The following PPP1R13B variants were observed in gnomAD, a reference collection of about 807,000 sequenced individuals.
PPP1R13B encodes protein phosphatase 1 regulatory subunit 13B.
PPP1R13B carries 44 observed loss-of-function variants against 119.8 expected under a neutral mutation model. The ratio of observed to expected loss-of-function variants is 0.37; its 90% CI spans 0.29 to 0.47. The LOEUF (loss-of-function observed/expected upper bound fraction) is 0.47, where lower values mean the gene tolerates loss of function less well. Among genes scored for constraint, PPP1R13B ranks in the 20% least tolerant of loss-of-function variants. The pLI, the probability that PPP1R13B is intolerant of heterozygous loss-of-function variation, is 0.99. For synonymous variants in PPP1R13B, 542 were observed against 561.5 expected (o/e 0.97, Z 0.49); for missense variants, 1,227 against 1,413.5 (o/e 0.87, Z 2.12).
chr14:103,819,514 A>C (rs1301238119), intron 1 of PPP1R13B, among the ~76,000 whole-genome samples: 3 of 147,748 alleles, frequency 2.0e-5, no homozygotes, highest in Non-Finnish European at 4.5e-5. Context: ...AAAACAAACA[A>C]ACAAAAAAAA....
chr14:103,785,563 A>G (rs1410382448), intron 2 of PPP1R13B, among the ~76,000 whole-genome samples: 1 of 123,628 alleles, frequency 8.1e-6, no homozygotes, highest in African/African-American at 3.2e-5. Context: ...CTTATCACTT[A>G]GGCTGGAGTG....
chr14:103,821,409 A>C (rs897049151), intron 1 of PPP1R13B, among the ~76,000 whole-genome samples: 13 of 152,188 alleles, frequency 8.5e-5, no homozygotes, highest in African/African-American at 3.1e-4. Context: ...AAATTAAGTC[A>C]CAAAAGAGAC....
chr14:103,811,244 T>C (rs1420742152), intron 1 of PPP1R13B, among the ~76,000 whole-genome samples: 2 of 151,910 alleles, frequency 1.3e-5, no homozygotes, highest in Non-Finnish European at 2.9e-5. Flanking sequence ...GGCTCTAAAA[T>C]CAATTAGTGC....
chr14:103,846,968 G>A (rs556479142), intron 1 of PPP1R13B: 5 of 1,210,396 alleles, frequency 4.1e-6, no homozygotes, highest in Admixed American at 6.1e-5. Context: ...TCACAGCTGC[G>A]CCACCCACCA....
chr14:103,800,800 T>C (rs891103884), intron 1 of PPP1R13B, among the ~76,000 whole-genome samples: 3 of 152,138 alleles, frequency 2.0e-5, no homozygotes, highest in African/African-American at 7.3e-5. Context: ...CTGGTTTCCT[T>C]GCCACTAATC....
intron 1 of PPP1R13B, among the ~76,000 whole-genome samples, chr14:103,823,296 G>A (rs753210835): frequency 6.6e-5 from 10 of 151,090 alleles, no homozygotes; most frequent in Non-Finnish European, 4.4e-5. Flanking sequence ...CTGAGATCGC[G>A]CCACTGCACT....
rs2084032930 is a variant in PPP1R13B, at chr14:103,734,315, T to C, written c.*839A>G. ...TGGCCCTGGTCTGCCCTCACACCAG[T>C]CCACCCCCAGCCCCAACCCCAACCA... On this transcript the variant is annotated 3_prime_UTR_variant, in exon 17 of 17. Coordinates refer to ENST00000202556, the MANE Select transcript of PPP1R13B (RefSeq NM_015316.3). 5.5e-6 allele frequency: 2 copies of C among 360,394 alleles called. No individual in the cohort carries two copies. Among genetic ancestry groups the C allele is most frequent in the Admixed American group, 3.5e-5 (1 of 28,298 alleles). The allele number at this position is 360,394 out of a possible 1,614,324, so 22.3% of individuals were successfully genotyped here.
chr14:103,749,546 T>C (rs1235082408), intron 8 of PPP1R13B, among the ~76,000 whole-genome samples: 2 of 152,038 alleles, frequency 1.3e-5, no homozygotes, highest in African/African-American at 4.8e-5. Context: ...CAGAAACACA[T>C]GGGGAGGAAG....
At chr14:103,841,941 A>G (rs2086918350) in intron 1 of PPP1R13B, among the ~76,000 whole-genome samples, 1 of 152,222 alleles carries the variant, frequency 6.6e-6, no homozygotes, top group Non-Finnish European at 1.5e-5. Context: ...TGAGAAACTG[A>G]GGCCCGAAGA....
In PPP1R13B at chr14:103,739,983, G is replaced by A; in HGVS notation, c.2433C>T (p.His811=). Residue 811 remains histidine (H), a synonymous_variant, in exon 12 of 17, where the codon CAC becomes CAT. Coordinates refer to ENST00000202556, the MANE Select transcript of PPP1R13B (RefSeq NM_015316.3). The stretch of plus-strand genomic sequence containing the variant: ...TGTCCTCTGCCGGCTCGGCAGTTTG[G>A]TGGGTGGTTTGGGGACAGATGAGCT... ...PEELICPQTT[H]QTAEPAEDNN... 1 of 1,614,150 alleles carries A rather than the reference G, an allele frequency of 6.2e-7. No individual in the cohort carries two copies. The highest frequency in any genetic ancestry group is 8.5e-7 in the Non-Finnish European group (1 of 1,180,040).
At chr14:103,813,524 T>C (rs1438678232) in intron 1 of PPP1R13B, among the ~76,000 whole-genome samples, 1 of 152,198 alleles carries the variant, frequency 6.6e-6, no homozygotes, top group Non-Finnish European at 1.5e-5. Context: ...GATGGTTTTA[T>C]AAGCATCTGG....
intron 1 of PPP1R13B, among the ~76,000 whole-genome samples, chr14:103,830,401 T>C (rs1409380452): frequency 6.6e-6 from 1 of 152,176 alleles, no homozygotes. Context: ...CAGCCTCTTT[T>C]AGGTTCTTTT....
intron 1 of PPP1R13B, among the ~76,000 whole-genome samples, chr14:103,817,090 G>C (rs2086298678): frequency 6.6e-6 from 1 of 152,176 alleles, no homozygotes; most frequent in South Asian, 2.1e-4. Flanking sequence ...CAAAAGCGAA[G>C]TGTGGAAAAC....
In PPP1R13B at chr14:103,740,213, C is replaced by T. The variant is rs781256003; in HGVS notation, c.2203G>A (p.Gly735Ser). The change falls in exon 12 of 17, where the codon GGT becomes AGT. Residue 735 changes from glycine (G) to serine (S), a missense_variant. Physicochemically the swap from Gly to Ser is moderately conservative, Grantham distance 56. Transcript: ENST00000202556. The surrounding 1 kb of genome is among the most constrained non-coding windows in gnomAD (Gnocchi z 4.6). ...LLYQRFNTLA[G>S]GMEGTPFYQP... The stretch of plus-strand genomic sequence containing the variant: ...TAGAAAGGGGTGCCCTCCATGCCAC[C>T]GGCCAGGGTGTTGAAGCGCTGGTAC... The T allele has an allele frequency of 1.1e-5, 17 of 1,613,564 alleles. No individual in the cohort carries two copies. The highest frequency in any genetic ancestry group is 1.7e-5 in the Admixed American group (1 of 59,996).
At chr14:103,830,576 C>T (rs780469456) in intron 1 of PPP1R13B, among the ~76,000 whole-genome samples, 4 of 152,182 alleles carry the variant, frequency 2.6e-5, no homozygotes, top group Non-Finnish European at 5.9e-5. Flanking sequence ...ATAGTCTGTT[C>T]CAAAATCTGT....
At position 103,741,836 on chromosome 14, in the gene PPP1R13B, A is replaced by G; in HGVS notation, c.1776T>C (p.Asn592=). Residue 592 remains asparagine (N), a synonymous_variant, in exon 11 of 17, where the codon AAT becomes AAC. Coordinates refer to ENST00000202556, the MANE Select transcript of PPP1R13B (RefSeq NM_015316.3). ...AGGCGCTGTGTGCTGCCGGCTGGTAATTCTTAGGTGGTGTGGCTTGCTGGA... is the reference window on the plus strand; with the variant it reads ...AGGCGCTGTGTGCTGCCGGCTGGTAGTTCTTAGGTGGTGTGGCTTGCTGGA... ...MYLQQATPPK[N]YQPAAHSALN... 7 of 1,614,192 alleles carry G rather than the reference A, an allele frequency of 4.3e-6. No individual in the cohort carries two copies. Among genetic ancestry groups the G allele is most frequent in the Non-Finnish European group, 5.9e-6 (7 of 1,180,024 alleles).
At chr14:103,826,757 C>G (rs552842187) in intron 1 of PPP1R13B, among the ~76,000 whole-genome samples, 2 of 151,126 alleles carry the variant, frequency 1.3e-5, no homozygotes, top group Non-Finnish European at 2.9e-5. Flanking sequence ...GCCTGTAATC[C>G]CAGCACTTTG....
chr14:103,847,317 A>G lies in PPP1R13B; in HGVS notation c.-10T>C. On this transcript the variant is annotated 5_prime_UTR_variant, in exon 1 of 17. Coordinates refer to ENST00000202556, the MANE Select transcript of PPP1R13B (RefSeq NM_015316.3). Reference sequence around the variant, plus strand: ...CACCCACCGGCATCATCGCGGGGAGAGTCCGCGACGCCCTCGGCCGCCGCC... The same window carrying G: ...CACCCACCGGCATCATCGCGGGGAGGGTCCGCGACGCCCTCGGCCGCCGCC... 1 of 1,209,480 alleles carries G rather than the reference A, an allele frequency of 8.3e-7. No individual in the cohort carries two copies. Among genetic ancestry groups the G allele is most frequent in the Non-Finnish European group, 1.0e-6 (1 of 953,898 alleles). 74.9% of individuals were successfully genotyped at this position (1,209,480 alleles called of 1,614,324 possible).
At chr14:103,809,614 A>G (rs1031328695) in intron 1 of PPP1R13B, among the ~76,000 whole-genome samples, 41 of 151,928 alleles carry the variant, frequency 2.7e-4, no homozygotes, top group African/African-American at 9.7e-4. Flanking sequence ...CGAGCTCAGG[A>G]GCTCGAGATC....
Sources: gnomAD v4.1 joint callset for allele counts (sites outside exome capture counted in the v4.1 genomes callset) on GRCh38, gnomAD v4.1.1 for gene constraint, Gnocchi (gnomAD v3.1) non-coding constraint, MANE v1.5 for transcripts, NCBI Gene and HGNC (gene_info 2026-07-23, HGNC 2026-07-21) for gene names.